Variants in FAM174A observed in about 807,000 individuals in gnomAD.
The protein encoded by FAM174A is membrane protein FAM174A.
Under a neutral mutation model 14.3 loss-of-function variants are expected in FAM174A, and 14 were observed. The ratio of observed to expected loss-of-function variants is 0.98; its 90% confidence interval spans 0.65 to 1.53. The LOEUF (loss-of-function observed/expected upper bound fraction) is 1.53, where lower values mean the gene tolerates loss of function less well. Among genes scored for constraint, FAM174A ranks in the 40% most tolerant of loss-of-function variants. FAM174A has a pLI of 0.00. For synonymous variants in FAM174A, 108 were observed against 111.4 expected (o/e 0.97, Z 0.19); for missense variants, 241 against 249.6 (o/e 0.97, Z 0.23).
At chr5:100,540,366 T>C (rs1488846139) in intron 1 of FAM174A, among the ~76,000 whole-genome samples, 1 of 152,188 alleles carries the variant, frequency 6.6e-6, no homozygotes, top group African/African-American at 2.4e-5. Flanking sequence ...TGATGAGGGT[T>C]AGTAGTGCAC....
chr5:100,565,149 A>G (rs1746615398), intron 2 of FAM174A, among the ~76,000 whole-genome samples: 1 of 151,926 alleles, frequency 6.6e-6, no homozygotes, highest in Non-Finnish European at 1.5e-5. Flanking sequence ...GCATATTAAA[A>G]TGATGATACA....
At chr5:100,567,442 G>A (rs1746680685) in intron 2 of FAM174A, among the ~76,000 whole-genome samples, 1 of 151,754 alleles carries the variant, frequency 6.6e-6, no homozygotes, top group African/African-American at 2.4e-5. Flanking sequence ...GAGGTTAACA[G>A]TTTATTTTTC....
intron 1 of FAM174A, among the ~76,000 whole-genome samples, chr5:100,558,804 A>C (rs569105611): frequency 2.8e-4 from 43 of 152,018 alleles, no homozygotes; most frequent in African/African-American, 1.0e-3. Flanking sequence ...ATCTTCCTCC[A>C]TCCCTTTATT....
At chr5:100,585,831 A>G (rs966502211) in intron 2 of FAM174A, among the ~76,000 whole-genome samples, 13 of 152,342 alleles carry the variant, frequency 8.5e-5, no homozygotes, top group African/African-American at 3.1e-4. Context: ...GGTACTATGC[A>G]GTTCAAACCC....
chr5:100,564,112 A>G (rs1028043252), intron 2 of FAM174A, among the ~76,000 whole-genome samples: 2 of 151,844 alleles, frequency 1.3e-5, no homozygotes, highest in African/African-American at 4.8e-5. Flanking sequence ...CACCATGAGT[A>G]AAAGCTCCCT....
chr5:100,572,215 C>CT lies in FAM174A; in HGVS notation c.569+10035dup, dbSNP rs56787387. Among the ~76,000 whole-genome samples, 3 of 138,478 alleles carry CT rather than the reference C, an allele frequency of 2.2e-5. No individual in the cohort carries two copies. The South Asian group carries it at 7.1e-4, about 33-fold the overall frequency. 90.8% of individuals were successfully genotyped at this position (138,478 alleles called of 152,430 possible). A position where few individuals can be genotyped will look rare whatever the true frequency, so the allele number is the denominator to read the frequency against. ...TTGATTCAAGTAAAGGTTTTTTTTT[C>CT]TTTTTTTTATGTAATATCTTTTTTT... On this transcript the variant is annotated intron_variant, in intron 2 of 2. Transcript: ENST00000312637.
rs532012770 is a variant in FAM174A, at chr5:100,558,763, C to T, written c.435-3291C>T. ...TTATCAGAGACTAGGATTGCAACCC[C>T]TGCCTTTTTTGTTTTCCATTTGCTT... On this transcript the variant is annotated intron_variant, in intron 1 of 2. Transcript: ENST00000312637. 2.2e-3 allele frequency among the ~76,000 whole-genome samples: 335 copies of T among 152,114 alleles called. 3 individuals carry two copies. Among genetic ancestry groups the T allele is most frequent in the African/African-American group, 7.8e-3 (322 of 41,496 alleles).
chr5:100,581,177 A>T (rs1324094327), intron 2 of FAM174A, among the ~76,000 whole-genome samples: 2 of 151,906 alleles, frequency 1.3e-5, no homozygotes, highest in Admixed American at 1.3e-4. Context: ...TGATTCACTC[A>T]CCCGGGCCTC....
rs1173029755 is a variant in FAM174A, at chr5:100,570,825, GT to G, written c.569+8644del. Reference sequence around the variant, plus strand: ...CCAATATTAAGTAGGTTAGCTGTCAGTTTTTTTGATATTGCTTGTTAGCATA... The same window carrying G: ...CCAATATTAAGTAGGTTAGCTGTCAGTTTTTTGATATTGCTTGTTAGCATA... On this transcript the variant is annotated intron_variant, in intron 2 of 2. Transcript: ENST00000312637. 2.0e-5 allele frequency among the ~76,000 whole-genome samples: 3 copies of G among 152,000 alleles called. No homozygotes were observed. The East Asian group carries it at 5.8e-4, about 29-fold the overall frequency.
At chr5:100,558,324 CT>C (rs1401426240) in intron 1 of FAM174A, among the ~76,000 whole-genome samples, 1 of 152,082 alleles carries the variant, frequency 6.6e-6, no homozygotes, top group Non-Finnish European at 1.5e-5. Flanking sequence ...AATTTCTGTT[CT>C]TTTACATTTG....
At chr5:100,570,492 T>A (rs996669071) in intron 2 of FAM174A, among the ~76,000 whole-genome samples, 1 of 152,002 alleles carries the variant, frequency 6.6e-6, no homozygotes, top group South Asian at 2.1e-4. Context: ...TTAATACCAT[T>A]TTCCCCCAAG....
chr5:100,556,286 G>A (rs913557451), intron 1 of FAM174A, among the ~76,000 whole-genome samples: 2 of 152,130 alleles, frequency 1.3e-5, no homozygotes, highest in Admixed American at 6.5e-5. Context: ...GCTCTGTTCT[G>A]TTCCATTGGT....
At position 100,573,610 on chromosome 5, in the gene FAM174A, A is replaced by C. The variant is rs1220779928; in HGVS notation, c.569+11422A>C. ...CAAATGGAAGAACATTCCATGCTCA[A>C]GGGTAGGAAGAATCAATATCGTGAA... is the stretch of plus-strand genomic sequence containing the variant. On this transcript the variant is annotated intron_variant, in intron 2 of 2. Transcript: ENST00000312637. 2.0e-5 allele frequency among the ~76,000 whole-genome samples: 3 copies of C among 151,310 alleles called. 1 individual carries two copies. The highest frequency in any genetic ancestry group is 7.3e-5 in the African/African-American group (3 of 40,896).
intron 2 of FAM174A, among the ~76,000 whole-genome samples, chr5:100,578,740 G>A (rs1398118722): frequency 6.6e-6 from 1 of 152,080 alleles, no homozygotes; most frequent in Non-Finnish European, 1.5e-5. Flanking sequence ...CACATGTTTG[G>A]TGATTAAAAG....
chr5:100,567,946 A>G (rs1239771657), intron 2 of FAM174A, among the ~76,000 whole-genome samples: 1 of 151,996 alleles, frequency 6.6e-6, no homozygotes, highest in Non-Finnish European at 1.5e-5. Context: ...TCATGAAAAT[A>G]TCATATTTCT....
intron 1 of FAM174A, among the ~76,000 whole-genome samples, chr5:100,561,278 A>T (rs553942466): frequency 1.1e-4 from 17 of 152,078 alleles, no homozygotes; most frequent in African/African-American, 4.1e-4. Context: ...AAACTTGAAT[A>T]TGCATCAAAA....
chr5:100,570,782 TATC>T (rs1368322085), intron 2 of FAM174A, among the ~76,000 whole-genome samples: 1 of 151,972 alleles, frequency 6.6e-6, no homozygotes, highest in Admixed American at 6.6e-5. Context: ...AGGAAGTAAA[TATC>T]AGATAAGGCT....
rs1053877113 is a variant in FAM174A at position 100,565,953 on chromosome 5, C to T, written c.569+3765C>T. 4.0e-5 allele frequency among the ~76,000 whole-genome samples: 6 copies of T among 150,926 alleles called. No homozygotes were observed. The East Asian group carries it at 1.2e-3, about 30-fold the overall frequency. On this transcript the variant is annotated intron_variant, in intron 2 of 2. Coordinates refer to ENST00000312637, the MANE Select transcript of FAM174A (RefSeq NM_198507.3). ...GTAGGGGAACCACCCTTTATAAAAC[C>T]ATCAGATTTCATGAGACTTATTCAA...
At chr5:100,555,073 C>T (rs947430292) in intron 1 of FAM174A, among the ~76,000 whole-genome samples, 1 of 151,320 alleles carries the variant, frequency 6.6e-6, no homozygotes, top group African/African-American at 2.4e-5. Flanking sequence ...TGCTATCCCT[C>T]CCCCCTACCC....
Sources: gnomAD v4.1 joint callset for allele counts (sites outside exome capture counted in the v4.1 genomes callset) on GRCh38, gnomAD v4.1.1 for gene constraint, MANE v1.5 for transcripts, NCBI Gene and HGNC (gene_info 2026-07-23, HGNC 2026-07-21) for gene names.